GRAMD1B: variants seen among roughly 807,000 people sequenced by gnomAD.
The protein encoded by GRAMD1B is protein Aster-B.
Under a neutral mutation model 99.7 loss-of-function variants are expected in GRAMD1B, and 37 were observed. The ratio of observed to expected loss-of-function variants is 0.37; its 90% CI spans 0.29 to 0.49. GRAMD1B has a LOEUF of 0.49. Among genes scored for constraint, GRAMD1B ranks in the 20% least tolerant of loss-of-function variants. The probability of loss-of-function intolerance (pLI) is 0.98; values close to 1 mark genes in which losing one functional copy is unlikely to be tolerated. For synonymous variants in GRAMD1B, 427 were observed against 387.6 expected (o/e 1.10, Z -1.19); for missense variants, 888 against 1,009.2 (o/e 0.88, Z 1.63).
intron 1 of GRAMD1B, among the ~76,000 whole-genome samples, chr11:123,470,563 G>A (rs11219158): frequency 0.18 from 26,767 of 147,086 alleles, 3,195 homozygotes; most frequent in East Asian, 0.48. Context: ...ACCCAGGCTG[G>A]AGTGCAGTGG....
chr11:123,486,582 G>A (rs1302718526), intron 2 of GRAMD1B, among the ~76,000 whole-genome samples: 8 of 145,812 alleles, frequency 5.5e-5, no homozygotes, highest in South Asian at 2.2e-4. Context: ...AAAAGAAAAA[G>A]CAAAGGCAGA....
At chr11:123,390,447 C>T (rs1947236816) in intron 1 of GRAMD1B, among the ~76,000 whole-genome samples, 1 of 152,162 alleles carries the variant, frequency 6.6e-6, no homozygotes, top group South Asian at 2.1e-4. Context: ...TCCCAATCTT[C>T]CTTGAGCATC....
intron 3 of GRAMD1B, among the ~76,000 whole-genome samples, chr11:123,580,901 C>CTT (rs34166213): frequency 0.07 from 9,903 of 142,406 alleles, 625 homozygotes; most frequent in African/African-American, 0.17. Flanking sequence ...TTTGACTTTC[C>CTT]TTTTTTTTTT....
chr11:123,612,096 T>C (rs1448677006), intron 14 of GRAMD1B, among the ~76,000 whole-genome samples: 2 of 151,796 alleles, frequency 1.3e-5, no homozygotes, highest in Non-Finnish European at 2.9e-5. Flanking sequence ...ATATTCTTTT[T>C]TTTTTTCTGA....
chr11:123,472,243 G>T (rs1460519158), intron 1 of GRAMD1B, among the ~76,000 whole-genome samples: 1 of 151,342 alleles, frequency 6.6e-6, no homozygotes, highest in Admixed American at 6.6e-5. Context: ...AAAAAAAAGA[G>T]AAAAAGAAAA....
intron 1 of GRAMD1B, among the ~76,000 whole-genome samples, chr11:123,405,280 A>T (rs950957376): frequency 2.6e-5 from 4 of 152,042 alleles, no homozygotes; most frequent in Non-Finnish European, 5.9e-5. Context: ...CCATCTGTTC[A>T]CACCTACTTA....
chr11:123,530,199 ATT>A (rs11405902), intron 2 of GRAMD1B, among the ~76,000 whole-genome samples: 3 of 145,766 alleles, frequency 2.1e-5, no homozygotes, highest in African/African-American at 7.6e-5. Flanking sequence ...GGGAGGGTCC[ATT>A]TTTTTTTTTT....
At chr11:123,527,764 C>T (rs952087111) in intron 2 of GRAMD1B, among the ~76,000 whole-genome samples, 1 of 152,176 alleles carries the variant, frequency 6.6e-6, no homozygotes, top group Non-Finnish European at 1.5e-5. Flanking sequence ...TCCTTCCGCG[C>T]CCCTGCTGTC....
chr11:123,468,861 A>G (rs963178226), intron 1 of GRAMD1B, among the ~76,000 whole-genome samples: 4 of 151,884 alleles, frequency 2.6e-5, no homozygotes, highest in Non-Finnish European at 5.9e-5. Context: ...GTGGTCACCA[A>G]GGAAGATTTA....
intron 12 of GRAMD1B, among the ~76,000 whole-genome samples, 169 bp downstream of exon 12, chr11:123,608,971 C>T (rs1953139285): frequency 6.6e-6 from 1 of 152,100 alleles, no homozygotes; most frequent in African/African-American, 2.4e-5. Flanking sequence ...TTCGGGAGCT[C>T]CTTCAGGCCC....
Position 123,626,410 on chromosome 11 carries a change from A to G in GRAMD1B, c.*3815A>G, listed in dbSNP as rs1955513395. The G allele has an allele frequency of 6.6e-6, 1 of 150,530 alleles. No homozygotes were observed. Among genetic ancestry groups the G allele is most frequent in the Non-Finnish European group, 1.5e-5 (1 of 67,762 alleles). The allele number at this position is 150,530 out of a possible 1,614,324, so 9.3% of individuals were successfully genotyped here. A position where few individuals can be genotyped will look rare whatever the true frequency, so the allele number is the denominator to read the frequency against. The stretch of plus-strand genomic sequence containing the variant: ...AACTATACCTATTACATTTCCAGGC[A>G]GTATCCCTAAGATGAGATCCTGGAG... On this transcript the variant is annotated 3_prime_UTR_variant, in exon 20 of 20. Coordinates refer to ENST00000635736, the MANE Select transcript of GRAMD1B (RefSeq NM_001387025.1).
intron 7 of GRAMD1B, among the ~76,000 whole-genome samples, chr11:123,597,295 G>A (rs1951406872): frequency 7.7e-6 from 1 of 129,342 alleles, no homozygotes; most frequent in Admixed American, 8.6e-5. Flanking sequence ...TTAAGAGACA[G>A]GCTCTCACTA....
intron 1 of GRAMD1B, among the ~76,000 whole-genome samples, chr11:123,369,691 G>A (rs918743652): frequency 3.3e-5 from 5 of 152,050 alleles, no homozygotes; most frequent in African/African-American, 1.2e-4. Flanking sequence ...GGGCAACATG[G>A]CAAAACCCCG....
intron 4 of GRAMD1B, among the ~76,000 whole-genome samples, chr11:123,589,949 G>T (rs572637191): frequency 1.4e-4 from 22 of 152,196 alleles, no homozygotes; most frequent in African/African-American, 1.2e-4. Flanking sequence ...TGTTTTAAGG[G>T]TCTGACTTTT....
chr11:123,596,841 T>G (rs953702974), intron 7 of GRAMD1B, among the ~76,000 whole-genome samples: 1 of 152,226 alleles, frequency 6.6e-6, no homozygotes, highest in African/African-American at 2.4e-5. Flanking sequence ...ATGACTGTGC[T>G]TATAAGGCAG....
At chr11:123,490,543 A>G (rs58833450) in intron 2 of GRAMD1B, among the ~76,000 whole-genome samples, 2,537 of 152,328 alleles carry the variant, frequency 0.017, 79 homozygotes, top group African/African-American at 0.057. Flanking sequence ...TTAGGAGCCT[A>G]TTACTGTATC....
At chr11:123,387,438 AC>A (rs1244447153) in intron 1 of GRAMD1B, among the ~76,000 whole-genome samples, 2 of 152,118 alleles carry the variant, frequency 1.3e-5, no homozygotes, top group South Asian at 2.1e-4. Context: ...AATGGAGGAA[AC>A]AAAACTCCCC....
In GRAMD1B at chr11:123,579,269, G is replaced by C. The variant is rs548150048; in HGVS notation, c.663+1692G>C. ...GGGGCAAGGAGGTGGGATGCAGCCC[G>C]AAGAAGGGGAAGCCGAGGATGACTT... On this transcript the variant is annotated intron_variant, in intron 3 of 19. Transcript: ENST00000635736. Among the ~76,000 whole-genome samples the C allele has an allele frequency of 3.6e-4, 55 of 152,342 alleles. No homozygotes were observed. The South Asian group carries it at 0.011, about 31-fold the overall frequency.
intron 1 of GRAMD1B, among the ~76,000 whole-genome samples, chr11:123,469,484 T>C (rs1344414809): frequency 6.6e-6 from 1 of 152,086 alleles, no homozygotes; most frequent in African/African-American, 2.4e-5. Context: ...GTAAGGTCTG[T>C]AGGACTTGGT....
Sources: allele counts gnomAD v4.1 joint callset (sites outside exome capture counted in the v4.1 genomes callset), GRCh38; gene constraint gnomAD v4.1.1; transcripts MANE v1.5; gene names NCBI Gene and HGNC (gene_info 2026-07-23, HGNC 2026-07-21).